Variants in SSH2 observed in about 807,000 individuals in gnomAD.
The protein encoded by SSH2 is slingshot protein phosphatase 2, also known as protein phosphatase Slingshot homolog 2.
Under a neutral mutation model 135.2 loss-of-function variants are expected in SSH2, and 37 were observed. That is an observed-to-expected ratio of 0.27 (90% CI 0.21 to 0.36). The LOEUF is 0.36. Ranked by LOEUF, SSH2 falls within the 10% of genes least tolerant of loss-of-function variation. SSH2 has a pLI of 1.00. For synonymous variants in SSH2, 628 were observed against 646.2 expected (o/e 0.97, Z 0.43); for missense variants, 1,408 against 1,765.3 (o/e 0.80, Z 3.63).
At chr17:29,786,048 C>G (rs573201686) in intron 3 of SSH2, among the ~76,000 whole-genome samples, 1 of 152,308 alleles carries the variant, frequency 6.6e-6, no homozygotes, top group Non-Finnish European at 1.5e-5. Flanking sequence ...TGGTGATCCA[C>G]CCGCCTCGGC....
At chr17:29,912,210 T>C (rs1328205036) in intron 1 of SSH2, among the ~76,000 whole-genome samples, 1 of 152,124 alleles carries the variant, frequency 6.6e-6, no homozygotes, top group Non-Finnish European at 1.5e-5. Context: ...ATCTTTTATG[T>C]GGAAAAAAGC....
chr17:29,911,434 A>T (rs564027401), intron 1 of SSH2, among the ~76,000 whole-genome samples: 1 of 152,244 alleles, frequency 6.6e-6, no homozygotes, highest in African/African-American at 2.4e-5. Flanking sequence ...GTGGGACTTC[A>T]CTGTATCACA....
At chr17:29,740,740 T>G (rs1037270308) in intron 3 of SSH2, among the ~76,000 whole-genome samples, 2 of 152,192 alleles carry the variant, frequency 1.3e-5, no homozygotes, top group Non-Finnish European at 2.9e-5. Flanking sequence ...TTGATCATCT[T>G]CTAAAATTTA....
At chr17:29,815,263 A>C (rs2042536813) in intron 2 of SSH2, among the ~76,000 whole-genome samples, 1 of 151,450 alleles carries the variant, frequency 6.6e-6, no homozygotes, top group African/African-American at 2.4e-5. Context: ...AGCTGGGATT[A>C]CAGGCACAGG....
chr17:29,768,950 C>T (rs2041509240), intron 3 of SSH2, among the ~76,000 whole-genome samples: 1 of 152,104 alleles, frequency 6.6e-6, no homozygotes, highest in South Asian at 2.1e-4. Flanking sequence ...TGTGGTGGCT[C>T]ACACCTGTAA....
At chr17:29,798,318 C>G (rs2042193070) in intron 2 of SSH2, among the ~76,000 whole-genome samples, 1 of 151,846 alleles carries the variant, frequency 6.6e-6, no homozygotes, top group African/African-American at 2.4e-5. Flanking sequence ...ACCACCGTGC[C>G]CGGCTAATTT....
In SSH2 at chr17:29,631,423, C is replaced by A. The variant is rs143391762; in HGVS notation, c.3771G>T (p.Val1257=). ...CGATTTCTTTAGCACGCTCCTTCAC[C>A]ACACCGGGGCTGTGGCTGAGACTCT... ...NIKSLSHSPG[V]VKERAKEIES... The change falls in exon 16 of 16, where the codon GTG becomes GTT. Residue 1257 remains valine (V), a synonymous_variant. Coordinates refer to ENST00000540801, the MANE Select transcript of SSH2 (RefSeq NM_001282129.2). The A allele has an allele frequency of 8.7e-6, 14 of 1,614,162 alleles. No individual in the cohort carries two copies. The highest frequency in any genetic ancestry group is 1.1e-5 in the Non-Finnish European group (13 of 1,180,028).
intron 1 of SSH2, among the ~76,000 whole-genome samples, chr17:29,908,021 G>A (rs2066688959): frequency 6.6e-6 from 1 of 151,822 alleles, no homozygotes; most frequent in Non-Finnish European, 1.5e-5. Flanking sequence ...TCACTATGTT[G>A]CCCAGGCTCG....
At chr17:29,869,192 G>A (rs2065902619) in intron 1 of SSH2, among the ~76,000 whole-genome samples, 1 of 152,200 alleles carries the variant, frequency 6.6e-6, no homozygotes, top group South Asian at 2.1e-4. Flanking sequence ...TCAATACAAG[G>A]GGTCTTACCT....
chr17:29,881,778 G>A (rs879828297), intron 1 of SSH2, among the ~76,000 whole-genome samples: 5 of 152,130 alleles, frequency 3.3e-5, no homozygotes, highest in Non-Finnish European at 7.4e-5. Context: ...GGGATTACAG[G>A]TATGAGCCAC....
chr17:29,784,478 TC>T (rs2041917010), intron 3 of SSH2, among the ~76,000 whole-genome samples: 1 of 151,744 alleles, frequency 6.6e-6, no homozygotes, highest in African/African-American at 2.4e-5. Context: ...GTGCCTGTAA[TC>T]CCAGCTTCTT....
rs960164812 is a variant in SSH2, at chr17:29,841,484, C to T, written c.144+7365G>A. Among the ~76,000 whole-genome samples the T allele has an allele frequency of 3.3e-5, 5 of 152,140 alleles. No homozygotes were observed. In the East Asian group the frequency reaches 7.7e-4, roughly 23 times the overall value. On this transcript the variant is annotated intron_variant, in intron 2 of 15. Transcript: ENST00000540801. The stretch of plus-strand genomic sequence containing the variant: ...ATACTAGATTTGGATTATCTCATTT[C>T]AGTATCTTGCTTTTAACAGAAGACT...
At chr17:29,672,887 A>C (rs1182140105) in intron 8 of SSH2, among the ~76,000 whole-genome samples, 1 of 151,960 alleles carries the variant, frequency 6.6e-6, no homozygotes, top group African/African-American at 2.4e-5. Flanking sequence ...TTGTATTTTT[A>C]GTCGAGACGG....
chr17:29,692,125 G>A (rs1265070229), intron 5 of SSH2, among the ~76,000 whole-genome samples: 11 of 149,122 alleles, frequency 7.4e-5, no homozygotes, highest in Non-Finnish European at 1.6e-4. Context: ...GGGCGACAGA[G>A]CAAGACTCTG....
chr17:29,885,348 TAAAAAAAAAAAAA>T lies in SSH2; in HGVS notation c.64-36432_64-36420del, dbSNP rs72403205. On this transcript the variant is annotated intron_variant, in intron 1 of 15. Transcript: ENST00000540801. ...ACTGGGGTTTCTTGCTATTGTATCATAAAAAAAAAAAAAAAAAAAAAAATCAGGTCTTTTTCCC... is the reference window on the plus strand; with the variant it reads ...ACTGGGGTTTCTTGCTATTGTATCATAAAAAAAAAATCAGGTCTTTTTCCC... 3.4e-4 allele frequency among the ~76,000 whole-genome samples: 43 copies of T among 127,100 alleles called. No homozygotes were observed. The South Asian group carries it at 3.4e-3, about 10-fold the overall frequency. The allele number at this position is 127,100 out of a possible 152,430, so 83.4% of individuals were successfully genotyped here.
At chr17:29,876,290 T>C (rs557729949) in intron 1 of SSH2, among the ~76,000 whole-genome samples, 6 of 149,358 alleles carry the variant, frequency 4.0e-5, no homozygotes, top group African/African-American at 9.8e-5. Flanking sequence ...GCCATGAAAA[T>C]AGACACATAG....
chr17:29,676,956 G>A lies in SSH2; in HGVS notation c.549-71C>T. On this transcript the variant is annotated intron_variant, in intron 7 of 15. Coordinates refer to ENST00000540801, the MANE Select transcript of SSH2 (RefSeq NM_001282129.2). ...GTTATTTGAATTGTGAGTTTTCATG[G>A]ATGTATCCCAGGCTAAAAACAACTG... 3 of 1,325,314 alleles carry A rather than the reference G, an allele frequency of 2.3e-6. No homozygotes were observed. The East Asian group carries it at 6.9e-5, about 31-fold the overall frequency. The allele number at this position is 1,325,314 out of a possible 1,614,324, so 82.1% of individuals were successfully genotyped here.
intron 3 of SSH2, among the ~76,000 whole-genome samples, chr17:29,709,052 A>AGCGCGC (rs1555617878): frequency 2.1e-5 from 3 of 144,654 alleles, no homozygotes; most frequent in Admixed American, 7.0e-5. Flanking sequence ...AGAGAGAGAG[A>AGCGCGC]GCTAATAATA....
At chr17:29,753,121 A>G (rs2041001574) in intron 3 of SSH2, among the ~76,000 whole-genome samples, 1 of 152,082 alleles carries the variant, frequency 6.6e-6, no homozygotes, top group African/African-American at 2.4e-5. Flanking sequence ...TGTTCAGTAA[A>G]AAATTATCTG....
Sources: gnomAD v4.1 joint callset for allele counts (sites outside exome capture counted in the v4.1 genomes callset) on GRCh38, gnomAD v4.1.1 for gene constraint, MANE v1.5 for transcripts, NCBI Gene and HGNC (gene_info 2026-07-23, HGNC 2026-07-21) for gene names.